ENOX1: variants seen among roughly 807,000 people sequenced by gnomAD.
The protein encoded by ENOX1 is candidate growth-related and time keeping constitutive hydroquinone (NADH) oxidase.
A neutral mutation model predicts 82.5 loss-of-function variants in ENOX1; 42 were observed. That is an observed-to-expected ratio of 0.51 (90% confidence interval 0.40 to 0.66). The LOEUF is 0.66. Among genes scored for constraint, ENOX1 ranks in the 30% least tolerant of loss-of-function variants. The pLI is 0.00. For missense variants in ENOX1, 608 were observed against 811.6 expected (o/e 0.75, Z 3.05); for synonymous variants, 271 against 282.2 (o/e 0.96, Z 0.40).
intron 3 of ENOX1, chr13:43,458,935 A>C (rs1041786237): frequency 3.3e-5 from 5 of 152,080 alleles, no homozygotes; most frequent in African/African-American, 1.2e-4. Flanking sequence ...TTCAGGTAAT[A>C]TTTATTGACA....
At chr13:43,470,621 T>A (rs2058028762) in intron 3 of ENOX1, among the ~76,000 whole-genome samples, 1 of 151,244 alleles carries the variant, frequency 6.6e-6, no homozygotes, top group African/African-American at 2.4e-5. Flanking sequence ...TTTACATACA[T>A]ATATATTTTT....
intron 2 of ENOX1, among the ~76,000 whole-genome samples, chr13:43,641,094 G>A (rs1038058595): frequency 7.2e-5 from 11 of 151,930 alleles, no homozygotes; most frequent in African/African-American, 4.8e-5. Context: ...TTTCCCCCAC[G>A]CCTCCATTAA....
At chr13:43,262,167 T>A (rs2044110318) in intron 14 of ENOX1, among the ~76,000 whole-genome samples, 1 of 152,140 alleles carries the variant, frequency 6.6e-6, no homozygotes, top group South Asian at 2.1e-4. Context: ...AAATAAAGCG[T>A]TAATGGTGGT....
chr13:43,428,095 C>T (rs1449999062), intron 3 of ENOX1, among the ~76,000 whole-genome samples: 1 of 152,126 alleles, frequency 6.6e-6, no homozygotes, highest in Non-Finnish European at 1.5e-5. Context: ...TGGCCCTTAC[C>T]CCAGTCAGCC....
At chr13:43,595,450 T>C (rs748579688) in intron 2 of ENOX1, among the ~76,000 whole-genome samples, 1 of 152,180 alleles carries the variant, frequency 6.6e-6, no homozygotes. Context: ...CTAGGGTACA[T>C]GTGCACAACG....
chr13:43,580,215 T>A (rs2153717802), intron 2 of ENOX1, among the ~76,000 whole-genome samples: 1 of 152,322 alleles, frequency 6.6e-6, no homozygotes, highest in Non-Finnish European at 1.5e-5. Flanking sequence ...ATCAGTTAAA[T>A]GACATTCTAC....
At chr13:43,331,238 C>A (rs1241806131) in intron 9 of ENOX1, among the ~76,000 whole-genome samples, 1 of 152,178 alleles carries the variant, frequency 6.6e-6, no homozygotes, top group Non-Finnish European at 1.5e-5. Flanking sequence ...CGAACACAGC[C>A]CTTTTCCCTT....
At chr13:43,638,061 A>G (rs992539073) in intron 2 of ENOX1, among the ~76,000 whole-genome samples, 8 of 152,076 alleles carry the variant, frequency 5.3e-5, no homozygotes, top group Non-Finnish European at 1.0e-4. Context: ...GCTTTGTTCA[A>G]CTCGTCCTCT....
intron 9 of ENOX1, among the ~76,000 whole-genome samples, chr13:43,333,665 C>G (rs1363343571): frequency 6.6e-6 from 1 of 152,212 alleles, no homozygotes; most frequent in Non-Finnish European, 1.5e-5. Flanking sequence ...CACTGTCACC[C>G]AGCCTGAAGT....
intron 2 of ENOX1, among the ~76,000 whole-genome samples, chr13:43,614,798 T>C (rs2082338726): frequency 6.6e-6 from 1 of 152,128 alleles, no homozygotes; most frequent in Non-Finnish European, 1.5e-5. Flanking sequence ...ACAGTTAGAA[T>C]GATGCGGGAT....
intron 1 of ENOX1, among the ~76,000 whole-genome samples, chr13:43,678,171 C>G (rs1359607594): frequency 6.6e-6 from 1 of 152,150 alleles, no homozygotes; most frequent in African/African-American, 2.4e-5. Flanking sequence ...GGGCCAACAT[C>G]AGCAATTTAA....
chr13:43,696,591 C>T (rs9567247), intron 1 of ENOX1, among the ~76,000 whole-genome samples: 58,142 of 151,850 alleles, frequency 0.38, 14,047 homozygotes, highest in Non-Finnish European at 0.55. Context: ...TAGGGCACAC[C>T]GAAAGGATAT....
At chr13:43,389,674 G>T (rs552264994) in intron 5 of ENOX1, among the ~76,000 whole-genome samples, 3 of 152,282 alleles carry the variant, frequency 2.0e-5, no homozygotes, top group African/African-American at 7.2e-5. Context: ...TTTCTAATGA[G>T]GAAACTGAAG....
At chr13:43,670,630 G>C (rs1053512992) in intron 1 of ENOX1, among the ~76,000 whole-genome samples, 9 of 152,064 alleles carry the variant, frequency 5.9e-5, no homozygotes, top group African/African-American at 2.2e-4. Context: ...GAGGCAGGTG[G>C]ATCACTTGAG....
chr13:43,413,001 AC>A lies in ENOX1; in HGVS notation c.-74-14del, dbSNP rs1408504052. ...AGGTCATCAGATTCTGCAAAACGGG[AC>A]AGAAGTGTGGTGAGAAACCTTAATA... On this transcript the variant is annotated splice_polypyrimidine_tract_variant and intron_variant, in intron 3 of 16. Transcript: ENST00000690772. The A allele has an allele frequency of 1.3e-6, 2 of 1,554,704 alleles. No homozygotes were observed. Among genetic ancestry groups the A allele is most frequent in the Non-Finnish European group, 1.7e-6 (2 of 1,150,066 alleles).
chr13:43,503,738 G>C (rs12872154), intron 2 of ENOX1, among the ~76,000 whole-genome samples: 1 of 151,438 alleles, frequency 6.6e-6, no homozygotes, highest in Non-Finnish European at 1.5e-5. Flanking sequence ...TGGAAGACCC[G>C]AAACCACAAA....
At chr13:43,768,606 G>A (rs536871082) in intron 1 of ENOX1, among the ~76,000 whole-genome samples, 13 of 152,062 alleles carry the variant, frequency 8.5e-5, no homozygotes, top group African/African-American at 3.1e-4. Context: ...GGGCAACAAA[G>A]CAAGATACTG....
chr13:43,528,563 G>C (rs190006517), intron 2 of ENOX1, among the ~76,000 whole-genome samples: 2 of 152,096 alleles, frequency 1.3e-5, no homozygotes, highest in East Asian at 3.9e-4. Flanking sequence ...TCAAAATTAT[G>C]AGTATTTTAT....
chr13:43,507,877 A>T (rs551943656), intron 2 of ENOX1, among the ~76,000 whole-genome samples: 1 of 152,054 alleles, frequency 6.6e-6, no homozygotes. Flanking sequence ...AACAAATACA[A>T]TCATAGTATA....
Sources: allele counts gnomAD v4.1 joint callset (sites outside exome capture counted in the v4.1 genomes callset), GRCh38; gene constraint gnomAD v4.1.1; transcripts MANE v1.5; gene names NCBI Gene and HGNC (gene_info 2026-07-23, HGNC 2026-07-21).